The following RANBP2 variants were observed in gnomAD, a reference collection of about 807,000 sequenced individuals.
RANBP2 encodes the protein RAN binding protein 2, also known as E3 SUMO-protein ligase RanBP2.
Under a neutral mutation model 303.6 loss-of-function variants are expected in RANBP2, and 57 were observed. The observed-to-expected ratio is 0.19, with a 90% confidence interval of 0.15 to 0.23. The LOEUF (loss-of-function observed/expected upper bound fraction) is 0.23. Among genes scored for constraint, RANBP2 ranks in the 10% least tolerant of loss-of-function variants. The pLI is 1.00. For synonymous variants in RANBP2, 1,167 were observed against 1,301.5 expected (o/e 0.90, Z 2.23); for missense variants, 3,138 against 3,780.8 (o/e 0.83, Z 4.46).
At chr2:108,887,912 G>A in the RANBP2 span, among the ~76,000 whole-genome samples, 6 of 152,152 alleles carry the variant, frequency 3.9e-5, no homozygotes, top group Non-Finnish European at 8.8e-5. Context: ...ACATTGAATA[G>A]CAGTGGTAAA....
the RANBP2 span, chr2:109,437,094 A>G: frequency 1.2e-6 from 2 of 1,613,420 alleles, no homozygotes; most frequent in South Asian, 1.1e-5. Context: ...GCAGCTGTCT[A>G]CGGCACTCAG....
At chr2:108,902,522 CCTAA>C in the RANBP2 span, among the ~76,000 whole-genome samples, 1 of 152,150 alleles carries the variant, frequency 6.6e-6, no homozygotes, top group African/African-American at 2.4e-5. Flanking sequence ...AGAAACACTT[CCTAA>C]CTTATTCTAT....
At chr2:108,873,099 CTT>C in the RANBP2 span, among the ~76,000 whole-genome samples, 138 of 152,202 alleles carry the variant, frequency 9.1e-4, 1 homozygote, top group South Asian at 0.016. Flanking sequence ...TAATTTACTA[CTT>C]AAGCAGAATT....
chr2:109,575,928 C>A, the RANBP2 span, among the ~76,000 whole-genome samples: 1 of 152,146 alleles, frequency 6.6e-6, no homozygotes, highest in African/African-American at 2.4e-5. Flanking sequence ...AATGTGAGGA[C>A]TGAGACAGTA....
chr2:109,595,206 A>C, the RANBP2 span, among the ~76,000 whole-genome samples: 1 of 152,114 alleles, frequency 6.6e-6, no homozygotes, highest in Non-Finnish European at 1.5e-5. Context: ...TTCAAATCCT[A>C]AGTTTTTCCA....
At chr2:109,713,150 G>T in the RANBP2 span, among the ~76,000 whole-genome samples, 2 of 152,100 alleles carry the variant, frequency 1.3e-5, 1 homozygote, top group African/African-American at 4.8e-5. Flanking sequence ...CATTCAGACC[G>T]CTTTTCCTCC....
chr2:109,760,573 C>G, the RANBP2 span, among the ~76,000 whole-genome samples: 1 of 140,034 alleles, frequency 7.1e-6, no homozygotes, highest in African/African-American at 2.6e-5. Context: ...CGGGGGGCGT[C>G]GGGAGCCCCG....
chr2:109,477,613 G>GGTGT, the RANBP2 span, among the ~76,000 whole-genome samples: 4,817 of 149,396 alleles, frequency 0.032, 219 homozygotes, highest in African/African-American at 0.099. Context: ...GCCACAGATG[G>GGTGT]GTGTGTGTGT....
chr2:109,689,146 A>T, the RANBP2 span, among the ~76,000 whole-genome samples: 1 of 152,052 alleles, frequency 6.6e-6, no homozygotes, highest in Non-Finnish European at 1.5e-5. Context: ...ACCTCAGGTG[A>T]TCCACCCACC....
the RANBP2 span, among the ~76,000 whole-genome samples, chr2:108,934,741 G>A: frequency 7.2e-5 from 11 of 152,176 alleles, no homozygotes; most frequent in African/African-American, 2.4e-4. Flanking sequence ...CCACTCCCGC[G>A]ATGATGACAT....
chr2:108,787,754 C>G (rs1020788850), downstream of RANBP2, among the ~76,000 whole-genome samples: 1 of 150,986 alleles, frequency 6.6e-6, no homozygotes, highest in Non-Finnish European at 1.5e-5. Flanking sequence ...TGGATTGTTT[C>G]TCCGTTTGGG....
At chr2:109,675,931 T>TTGGTTCCTGTAAGAACAGAGGGAGCACG in the RANBP2 span, among the ~76,000 whole-genome samples, 1 of 152,186 alleles carries the variant, frequency 6.6e-6, no homozygotes, top group Non-Finnish European at 1.5e-5. Context: ...AATGGACTGT[T>TTGGTTCCTGTAAGAACAGAGGGAGCACG]TGGTTCCTGT....
chr2:109,681,807 G>A, the RANBP2 span, among the ~76,000 whole-genome samples: 8 of 152,256 alleles, frequency 5.3e-5, no homozygotes, highest in African/African-American at 1.7e-4. Flanking sequence ...AGCCCACAGA[G>A]CTTCATGGAG....
In RANBP2 at chr2:108,764,880, T is replaced by C. The variant is rs753687684; in HGVS notation, c.4341T>C (p.Ser1447=). The C allele has an allele frequency of 6.2e-7, 1 of 1,614,008 alleles. No individual in the cohort carries two copies. The highest frequency in any genetic ancestry group is 1.1e-5 in the South Asian group (1 of 91,086). The change falls in exon 20 of 29, where the codon AGT becomes AGC. Residue 1447 remains serine (S), a synonymous_variant. Transcript: ENST00000283195. ...AGAATACAAAATCTGCTAACAAAAG[T>C]GGATCTTCATTTGTTCATCAAGCTT... ...ACQNTKSANK[S]GSSFVHQASF...
At chr2:109,114,931 A>G in the RANBP2 span, among the ~76,000 whole-genome samples, 1 of 152,172 alleles carries the variant, frequency 6.6e-6, no homozygotes, top group Non-Finnish European at 1.5e-5. Flanking sequence ...GTTTCCATGT[A>G]GTTGAGCAGT....
chr2:109,763,097 T>C, the RANBP2 span, among the ~76,000 whole-genome samples: 1,804 of 150,334 alleles, frequency 0.012, 77 homozygotes, highest in Non-Finnish European at 0.018. Context: ...TATTTGAGTC[T>C]CTTAATCCTG....
the RANBP2 span, among the ~76,000 whole-genome samples, chr2:109,726,058 G>GTGT: frequency 7.3e-6 from 1 of 137,030 alleles, no homozygotes; most frequent in Non-Finnish European, 1.6e-5. Flanking sequence ...TTTTGCTTTT[G>GTGT]GTGTGTGTGT....
At chr2:109,141,055 G>A in the RANBP2 span, among the ~76,000 whole-genome samples, 3 of 152,170 alleles carry the variant, frequency 2.0e-5, no homozygotes, top group African/African-American at 7.2e-5. Flanking sequence ...TACATCAGTT[G>A]TATTGAAGGG....
the RANBP2 span, among the ~76,000 whole-genome samples, chr2:109,599,479 A>G: frequency 6.7e-6 from 1 of 149,610 alleles, no homozygotes; most frequent in Non-Finnish European, 1.5e-5. Context: ...AAAAAAAAAG[A>G]ACTCAAGTGA....
Sources: allele counts gnomAD v4.1 joint callset (sites outside exome capture counted in the v4.1 genomes callset), GRCh38; gene constraint gnomAD v4.1.1; transcripts MANE v1.5; gene names NCBI Gene and HGNC (gene_info 2026-07-23, HGNC 2026-07-21).